The following NEK6 variants were observed in gnomAD, a reference collection of about 807,000 sequenced individuals.
The protein encoded by NEK6 is NIMA related kinase 6, also known as serine/threonine-protein kinase Nek6.
In NEK6, 27 loss-of-function variants were observed where a neutral mutation model predicts 43.5. The observed-to-expected ratio is 0.62, with a 90% CI of 0.46 to 0.86. The LOEUF (loss-of-function observed/expected upper bound fraction) is 0.86. Ranked by LOEUF, NEK6 falls within the 40% of genes least tolerant of loss-of-function variation. The probability of loss-of-function intolerance (pLI) is 0.00; values close to 1 mark genes in which losing one functional copy is unlikely to be tolerated. For synonymous variants in NEK6, 167 were observed against 164.1 expected (o/e 1.02, Z -0.14); for missense variants, 318 against 414.4 (o/e 0.77, Z 2.02).
At chr9:124,272,741 C>T (rs1279460024) in intron 1 of NEK6, among the ~76,000 whole-genome samples, 1 of 152,202 alleles carries the variant, frequency 6.6e-6, no homozygotes, top group Non-Finnish European at 1.5e-5. Context: ...GTGATCGCAT[C>T]GACCTCTCTT....
chr9:124,323,265 AG>A (rs1026554034), intron 5 of NEK6, among the ~76,000 whole-genome samples: 3 of 152,174 alleles, frequency 2.0e-5, no homozygotes, highest in African/African-American at 4.8e-5. Context: ...CTGAGCTGTT[AG>A]GGGAGGTGGG....
chr9:124,282,938 G>A (rs1588455727), intron 1 of NEK6, among the ~76,000 whole-genome samples: 1 of 152,264 alleles, frequency 6.6e-6, no homozygotes, highest in African/African-American at 2.4e-5. Context: ...TCCCGGCAGC[G>A]CCCACCAGCA....
chr9:124,351,212 G>A lies in NEK6; in HGVS notation c.*265G>A. 2.7e-6 allele frequency: 1 copy of A among 370,702 alleles called. No homozygotes were observed. The highest frequency in any genetic ancestry group is 5.0e-6 in the Non-Finnish European group (1 of 199,450). The allele number at this position is 370,702 out of a possible 1,614,324, so 23.0% of individuals were successfully genotyped here. On this transcript the variant is annotated 3_prime_UTR_variant, in exon 10 of 10. Coordinates refer to ENST00000320246, the MANE Select transcript of NEK6 (RefSeq NM_014397.6). ...CTCAGCTGGGTCAATAAGGGCAGGTGGTTCAGCGAGCCACGGCAGCCCCCT... is the reference window on the plus strand; with the variant it reads ...CTCAGCTGGGTCAATAAGGGCAGGTAGTTCAGCGAGCCACGGCAGCCCCCT...
Position 124,350,952 on chromosome 9 carries a change from G to T in NEK6, c.*5G>T, listed in dbSNP as rs748170832. On this transcript the variant is annotated 3_prime_UTR_variant, in exon 10 of 10. Transcript: ENST00000320246. The stretch of plus-strand genomic sequence containing the variant: ...ATCTGGATGTCCAGCACCTGAGCGT[G>T]GATGCACCGTGCCTTATCAAAGCCA... 3.8e-6 allele frequency: 6 copies of T among 1,599,628 alleles called. No individual in the cohort carries two copies. Among genetic ancestry groups the T allele is most frequent in the Non-Finnish European group, 5.1e-6 (6 of 1,172,664 alleles).
Position 124,321,518 on chromosome 9 carries a change from G to C in NEK6, c.354G>C (p.Leu118=), listed in dbSNP as rs1309199391. ...YLDSFIEDNE[L]NIVLELADAG... ...ACTCGTTTATCGAAGACAACGAGCT[G>C]AACATTGTGCTGGAGTTGGCTGACG... Residue 118 remains leucine, a synonymous_variant, in exon 5 of 10, where the codon CTG becomes CTC. Transcript: ENST00000320246. The C allele has an allele frequency of 6.2e-7, 1 of 1,614,154 alleles. No individual in the cohort carries two copies. The highest frequency in any genetic ancestry group is 1.1e-5 in the South Asian group (1 of 91,086).
chr9:124,343,593 G>A lies in NEK6; in HGVS notation c.717+3928G>A, dbSNP rs1829766219. Among the ~76,000 whole-genome samples the A allele has an allele frequency of 6.6e-6, 1 of 152,168 alleles. No homozygotes were observed. Among genetic ancestry groups the A allele is most frequent in the South Asian group, 2.1e-4 (1 of 4,828 alleles). ...AGCAGGCGTTTCCCCAGCAGACAGG[G>A]AGGAGAGCCACATCTGAGCCCACGG... On this transcript the variant is annotated intron_variant, in intron 8 of 9. Transcript: ENST00000320246. This position sits in a 1 kb window ranked among gnomAD's most constrained non-coding sequence, Gnocchi z 5.1.
chr9:124,314,497 G>GT (rs1286347643), intron 4 of NEK6, among the ~76,000 whole-genome samples: 1 of 149,990 alleles, frequency 6.7e-6, no homozygotes, highest in Non-Finnish European at 1.5e-5. Flanking sequence ...GGTGGTGGTG[G>GT]GTTTTTTTTT....
At chr9:124,337,086 G>C (rs1431181638) in intron 7 of NEK6, among the ~76,000 whole-genome samples, 2 of 152,140 alleles carry the variant, frequency 1.3e-5, no homozygotes, top group Admixed American at 1.3e-4. Context: ...TACAGGACCA[G>C]ATTCCTGGGC....
chr9:124,302,036 GCATCCTCCTGACCCA>G lies in NEK6; in HGVS notation c.75_89del (p.His25_Pro29del). 1.2e-6 allele frequency: 2 copies of G among 1,603,674 alleles called. No individual in the cohort carries two copies. The highest frequency in any genetic ancestry group is 3.4e-5 in the Admixed American group (2 of 58,982). Reference sequence around the variant, plus strand: ...ACCTCTGCCACACCCTGGGGCCTGTGCATCCTCCTGACCCACAGGTAAGCCCCTTACCTTTGTCTG... The same window carrying G: ...ACCTCTGCCACACCCTGGGGCCTGTGCAGGTAAGCCCCTTACCTTTGTCTG... On this transcript the variant is annotated inframe_deletion, in exon 2 of 10. Transcript: ENST00000320246.
intron 4 of NEK6, among the ~76,000 whole-genome samples, chr9:124,314,456 C>T (rs1833712384): frequency 6.7e-6 from 1 of 149,668 alleles, no homozygotes; most frequent in East Asian, 1.9e-4. Flanking sequence ...CAGCCTTTTT[C>T]TTTGGTTTTG....
In NEK6 at chr9:124,275,577, CACACTGCTTAGAA is replaced by C; in HGVS notation, c.-30+17495_-30+17507del. ...TCTGGGGAGTCTCCTCTGACCTCAG[CACACTGCTTAGAA>C]ACCCCTGCTTGGTGCCTCCATAGCC... On this transcript the variant is annotated intron_variant, in intron 1 of 9. Transcript: ENST00000320246. The surrounding 1 kb of genome is among the most constrained non-coding windows in gnomAD (Gnocchi z 4.4). 6.6e-6 allele frequency among the ~76,000 whole-genome samples: 1 copy of C among 152,364 alleles called. No homozygotes were observed. The highest frequency in any genetic ancestry group is 2.4e-5 in the African/African-American group (1 of 41,586).
chr9:124,324,797 C>CAGCTGGG lies in NEK6; in HGVS notation c.406-1532_406-1526dup, dbSNP rs1462093716. Among the ~76,000 whole-genome samples, 1 of 152,174 alleles carries CAGCTGGG rather than the reference C, an allele frequency of 6.6e-6. No homozygotes were observed. ...GTGGGAAGCACCCAGACCTGGGTCC[C>CAGCTGGG]AGCTGGGTGCTGGGTGACCTTGGGC... On this transcript the variant is annotated intron_variant, in intron 5 of 9. Coordinates refer to ENST00000320246, the MANE Select transcript of NEK6 (RefSeq NM_014397.6). This position sits in a 1 kb window ranked among gnomAD's most constrained non-coding sequence, Gnocchi z 5.3.
At chr9:124,340,465 G>C (rs1277264123) in intron 8 of NEK6, among the ~76,000 whole-genome samples, 2 of 152,180 alleles carry the variant, frequency 1.3e-5, no homozygotes, top group Non-Finnish European at 2.9e-5. Flanking sequence ...GGTGGCTCCG[G>C]GATTCCATCC....
intron 2 of NEK6, among the ~76,000 whole-genome samples, chr9:124,304,100 C>A (rs1833134903): frequency 6.6e-6 from 1 of 152,246 alleles, no homozygotes; most frequent in African/African-American, 2.4e-5. Flanking sequence ...TGCCCCCAGT[C>A]CCACCAGCAT....
intron 1 of NEK6, chr9:124,292,824 C>G: frequency 1.4e-6 from 2 of 1,432,606 alleles, no homozygotes; most frequent in Non-Finnish European, 1.8e-6. Context: ...TAGTCTCTAC[C>G]CTCAAGGACA....
chr9:124,286,816 C>T (rs548509408), intron 1 of NEK6, among the ~76,000 whole-genome samples: 4 of 152,326 alleles, frequency 2.6e-5, no homozygotes, highest in South Asian at 2.1e-4. Flanking sequence ...AGTCTGTCTC[C>T]GAAGCTGCTG....
chr9:124,290,387 C>T (rs1832361391), intron 1 of NEK6, among the ~76,000 whole-genome samples: 1 of 152,242 alleles, frequency 6.6e-6, no homozygotes, highest in South Asian at 2.1e-4. Flanking sequence ...CCTCCGCCCC[C>T]AAGGGTGCTG....
At chr9:124,295,312 G>A (rs1040326530) in intron 1 of NEK6, among the ~76,000 whole-genome samples, 3 of 152,320 alleles carry the variant, frequency 2.0e-5, no homozygotes, top group African/African-American at 7.2e-5. Context: ...CTCCATCTGT[G>A]GCTTGTCCCC....
intron 3 of NEK6, among the ~76,000 whole-genome samples, chr9:124,312,971 G>T (rs1188169282): frequency 1.3e-5 from 2 of 152,164 alleles, no homozygotes; most frequent in Admixed American, 6.5e-5. Flanking sequence ...AACCGCCAGG[G>T]CCCCAGCATG....
Sources: gnomAD v4.1 joint callset for allele counts (sites outside exome capture counted in the v4.1 genomes callset) on GRCh38, gnomAD v4.1.1 for gene constraint, Gnocchi (gnomAD v3.1) non-coding constraint, MANE v1.5 for transcripts, NCBI Gene and HGNC (gene_info 2026-07-23, HGNC 2026-07-21) for gene names.